The following PTPRK variants were observed in gnomAD, a reference collection of about 807,000 sequenced individuals.
PTPRK encodes protein tyrosine phosphatase receptor type K.
A neutral mutation model predicts 178.0 loss-of-function variants in PTPRK; 75 were observed. The ratio of observed to expected loss-of-function variants is 0.42; its 90% confidence interval spans 0.35 to 0.51. The LOEUF (loss-of-function observed/expected upper bound fraction) is 0.51, where lower values mean the gene tolerates loss of function less well. PTPRK is among the 20% of genes least tolerant of loss of function. The pLI is 0.02. For synonymous variants in PTPRK, 637 were observed against 620.6 expected, an observed-to-expected ratio of 1.03 and a Z score of -0.39; for missense variants, 1,441 against 1,797.8, an observed-to-expected ratio of 0.80 and a Z score of 3.59.
intron 1 of PTPRK, among the ~76,000 whole-genome samples, chr6:128,464,657 A>ATATG (rs1554271945): frequency 6.9e-5 from 8 of 116,200 alleles, no homozygotes; most frequent in Middle Eastern, 3.9e-3. Flanking sequence ...ATATATATAT[A>ATATG]TATATATATA....
At chr6:128,096,616 C>T (rs898822659) in intron 7 of PTPRK, among the ~76,000 whole-genome samples, 1 of 152,016 alleles carries the variant, frequency 6.6e-6, no homozygotes, top group Non-Finnish European at 1.5e-5. Flanking sequence ...AAAGCTCGTG[C>T]CAAGGAAAAA....
At chr6:128,466,399 G>A (rs1024453240) in intron 1 of PTPRK, among the ~76,000 whole-genome samples, 3 of 152,142 alleles carry the variant, frequency 2.0e-5, no homozygotes, top group African/African-American at 4.8e-5. Context: ...TGTCAAAGAC[G>A]AATATTCTAA....
intron 7 of PTPRK, among the ~76,000 whole-genome samples, chr6:128,097,115 G>A (rs73584686): frequency 0.029 from 4,348 of 152,094 alleles, 209 homozygotes; most frequent in African/African-American, 0.099. Flanking sequence ...ATGATAAGTC[G>A]GTGAGATGAC....
intron 17 of PTPRK, among the ~76,000 whole-genome samples, chr6:127,995,955 C>G (rs1010659441): frequency 6.6e-6 from 1 of 152,136 alleles, no homozygotes; most frequent in Non-Finnish European, 1.5e-5. Context: ...CTCTCAGTTT[C>G]TTACTCCCTG....
chr6:128,093,254 G>C lies in PTPRK; in HGVS notation c.1163-3262C>G, dbSNP rs575071721. 1.3e-5 allele frequency among the ~76,000 whole-genome samples: 2 copies of C among 151,872 alleles called. 1 individual carries two copies. The highest frequency in any genetic ancestry group is 4.2e-4 in the South Asian group (2 of 4,818). ...TTTTTGCATTTCTAGTAAAAAGAAA[G>C]AATTGGAAAAGGCTGTAGTCAAAAA... On this transcript the variant is annotated intron_variant, in intron 7 of 29. Transcript: ENST00000368226.
intron 2 of PTPRK, among the ~76,000 whole-genome samples, chr6:128,370,382 G>T (rs1160093165): frequency 6.6e-6 from 1 of 152,044 alleles, no homozygotes; most frequent in African/African-American, 2.4e-5. Flanking sequence ...ATAGGGAATA[G>T]AACTCAGGGT....
At chr6:128,356,873 C>T (rs922598848) in intron 2 of PTPRK, among the ~76,000 whole-genome samples, 6 of 152,186 alleles carry the variant, frequency 3.9e-5, no homozygotes, top group African/African-American at 7.2e-5. Flanking sequence ...CATACCCCTG[C>T]GTCCAATTTT....
chr6:127,984,766 C>A (rs970620420), intron 22 of PTPRK, among the ~76,000 whole-genome samples: 2 of 152,170 alleles, frequency 1.3e-5, no homozygotes, highest in African/African-American at 4.8e-5. Context: ...TTGTCCCCTA[C>A]CATCTTCTCA....
chr6:128,009,116 A>G lies in PTPRK; in HGVS notation c.2333+14T>C, dbSNP rs1778766217. The G allele has an allele frequency of 4.4e-6, 7 of 1,606,478 alleles. No individual in the cohort carries two copies. The East Asian group carries it at 1.6e-4, about 36-fold the overall frequency. On this transcript the variant is annotated intron_variant, in intron 14 of 29. Coordinates refer to ENST00000368226, the MANE Select transcript of PTPRK (RefSeq NM_002844.4). ...AATGGTAAGTGAGTGGGACAGGACA[A>G]TATTAGGCCTTACCTCTTTTTTACA...
At chr6:128,432,133 G>T (rs1233222257) in intron 1 of PTPRK, among the ~76,000 whole-genome samples, 7 of 152,108 alleles carry the variant, frequency 4.6e-5, no homozygotes, top group Non-Finnish European at 1.0e-4. Context: ...ATTTTCAAAG[G>T]ATTTTGTTTT....
intron 1 of PTPRK, among the ~76,000 whole-genome samples, chr6:128,434,387 T>C (rs918702942): frequency 2.0e-5 from 3 of 152,144 alleles, no homozygotes; most frequent in African/African-American, 7.2e-5. Context: ...ACTGAATACT[T>C]CTGAACCTCC....
intron 3 of PTPRK, among the ~76,000 whole-genome samples, chr6:128,310,769 G>A (rs548919049): frequency 4.8e-4 from 73 of 152,254 alleles, no homozygotes; most frequent in Non-Finnish European, 9.0e-4. Context: ...AGGTCCATTT[G>A]TGAACAGCAA....
chr6:128,064,664 T>A (rs1781442308), intron 13 of PTPRK, 94 bp downstream of exon 13: 2 of 1,464,944 alleles, frequency 1.4e-6, no homozygotes, highest in Non-Finnish European at 1.8e-6. Context: ...ATAACAGAAA[T>A]GTCATATTTA....
intron 1 of PTPRK, among the ~76,000 whole-genome samples, chr6:128,491,355 T>C (rs1446662424): frequency 6.6e-6 from 1 of 152,196 alleles, no homozygotes; most frequent in African/African-American, 2.4e-5. Flanking sequence ...CATGGGTGGT[T>C]AATATAGAAA....
Position 128,397,692 on chromosome 6 carries a change from G to C in PTPRK, c.101-4C>G. ...CCATCATCAAAAGTACAGCCACCTA[G>C]GAGAAAAGAAGACTACTGTTACATT... On this transcript the variant is annotated splice_polypyrimidine_tract_variant and splice_region_variant and intron_variant, in intron 1 of 29. Transcript: ENST00000368226. The C allele has an allele frequency of 6.2e-7, 1 of 1,612,242 alleles. No homozygotes were observed.
chr6:128,485,257 T>G (rs966107268), intron 1 of PTPRK, among the ~76,000 whole-genome samples: 5 of 152,220 alleles, frequency 3.3e-5, no homozygotes, highest in African/African-American at 9.6e-5. Context: ...AAATTTATCA[T>G]CAGGTTCTAA....
At chr6:128,127,047 C>T (rs1486228257) in intron 7 of PTPRK, among the ~76,000 whole-genome samples, 2 of 151,828 alleles carry the variant, frequency 1.3e-5, no homozygotes, top group Non-Finnish European at 2.9e-5. Flanking sequence ...AAAGACACTA[C>T]TTTCTTCATT....
intron 6 of PTPRK, among the ~76,000 whole-genome samples, chr6:128,211,749 C>T (rs551858832): frequency 4.0e-4 from 61 of 152,178 alleles, no homozygotes; most frequent in African/African-American, 1.4e-3. Context: ...AACACAAAAA[C>T]TCACCTGTAA....
At chr6:128,369,415 C>T (rs566055624) in intron 2 of PTPRK, among the ~76,000 whole-genome samples, 81 of 152,052 alleles carry the variant, frequency 5.3e-4, no homozygotes, top group Non-Finnish European at 7.8e-4. Flanking sequence ...TTTTATAAGA[C>T]ATTCAAAATA....
Sources: gnomAD v4.1 joint callset for allele counts (sites outside exome capture counted in the v4.1 genomes callset) on GRCh38, gnomAD v4.1.1 for gene constraint, MANE v1.5 for transcripts, NCBI Gene and HGNC (gene_info 2026-07-23, HGNC 2026-07-21) for gene names.